Variants in CSNK2A2 observed in about 807,000 individuals in gnomAD.
CSNK2A2 encodes casein kinase 2 alpha 2.
In CSNK2A2, 8 loss-of-function variants were observed where a neutral mutation model predicts 54.0. The ratio of observed to expected loss-of-function variants is 0.15; its 90% CI spans 0.09 to 0.27. The LOEUF (loss-of-function observed/expected upper bound fraction) is 0.27. Ranked by LOEUF, CSNK2A2 falls within the 10% of genes least tolerant of loss-of-function variation. The probability of loss-of-function intolerance (pLI) is 1.00; values close to 1 mark genes in which losing one functional copy is unlikely to be tolerated. For synonymous variants in CSNK2A2, 141 were observed against 153.9 expected, an observed-to-expected ratio of 0.92 and a Z score of 0.62; for missense variants, 242 against 439.4, an observed-to-expected ratio of 0.55 and a Z score of 4.02.
At chr16:58,171,599 C>T (rs964214465) in intron 5 of CSNK2A2, among the ~76,000 whole-genome samples, 1 of 151,862 alleles carries the variant, frequency 6.6e-6, no homozygotes, top group Non-Finnish European at 1.5e-5. Flanking sequence ...TCAGAGGAGA[C>T]ACTGAACAGA....
intron 2 of CSNK2A2, among the ~76,000 whole-genome samples, chr16:58,193,740 A>G (rs187560387): frequency 6.6e-6 from 1 of 152,338 alleles, no homozygotes; most frequent in Admixed American, 6.5e-5. Context: ...TTCAAAATCA[A>G]AAGATGAAAC....
At position 58,170,700 on chromosome 16, in the gene CSNK2A2, G is replaced by A. The variant is rs766790550; in HGVS notation, c.430-2007C>T. On this transcript the variant is annotated intron_variant, in intron 5 of 11. Transcript: ENST00000262506. Reference sequence around the variant, plus strand: ...TGGGTGTAAAGTGGTATCTCCATGTGGTTTTGATTTTTATTTCCATAATGA... The same window carrying A: ...TGGGTGTAAAGTGGTATCTCCATGTAGTTTTGATTTTTATTTCCATAATGA... Among the ~76,000 whole-genome samples the A allele has an allele frequency of 4.6e-5, 7 of 151,954 alleles. No individual in the cohort carries two copies. The South Asian group carries it at 6.2e-4, about 14-fold the overall frequency.
intron 2 of CSNK2A2, 88 bp downstream of exon 2, chr16:58,196,645 T>C (rs1032783056): frequency 9.9e-6 from 8 of 811,778 alleles, no homozygotes; most frequent in Admixed American, 5.2e-5. Context: ...CAAGCTTGCA[T>C]TGCCCATTAT....
chr16:58,196,968 C>T, intron 1 of CSNK2A2, 124 bp from the exon 2 acceptor site: 1 of 731,906 alleles, frequency 1.4e-6, no homozygotes, highest in Admixed American at 1.8e-5. Context: ...CATCACGTCA[C>T]AACTCATTCC....
intron 2 of CSNK2A2, among the ~76,000 whole-genome samples, chr16:58,194,635 A>T (rs1962388139): frequency 6.6e-6 from 1 of 152,224 alleles, no homozygotes; most frequent in Non-Finnish European, 1.5e-5. Context: ...AGATCCTACA[A>T]TCCAGTGCTA....
chr16:58,163,374 T>G (rs1961453567), intron 11 of CSNK2A2: 1 of 152,130 alleles, frequency 6.6e-6, no homozygotes, highest in Non-Finnish European at 1.5e-5. Flanking sequence ...ATGGAACTTT[T>G]GATGATAACC....
chr16:58,171,755 T>C (rs1961741641), intron 5 of CSNK2A2, among the ~76,000 whole-genome samples: 1 of 151,734 alleles, frequency 6.6e-6, no homozygotes, highest in East Asian at 1.9e-4. Context: ...GCACCTGAAA[T>C]GTGCCTAGTG....
chr16:58,173,514 T>TA (rs1469290454), intron 5 of CSNK2A2, among the ~76,000 whole-genome samples: 50 of 152,328 alleles, frequency 3.3e-4, no homozygotes, highest in African/African-American at 1.2e-3. Flanking sequence ...AGCATTCCTT[T>TA]AAGTGCTTAT....
chr16:58,169,509 A>G (rs1961674916), intron 5 of CSNK2A2, among the ~76,000 whole-genome samples: 1 of 151,896 alleles, frequency 6.6e-6, no homozygotes, highest in Non-Finnish European at 1.5e-5. Context: ...CAGCCTGGGC[A>G]AGAAAGGCGG....
rs749780842 is a variant in CSNK2A2 at position 58,186,839 on chromosome 16, CTTCT to C, written c.230_233del (p.Lys77ArgfsTer2). On this transcript the variant is annotated frameshift_variant, in exon 3 of 12. Transcript: ENST00000262506. LOFTEE classifies it high-confidence loss of function. The stretch of plus-strand genomic sequence containing the variant: ...CCAGAATCTTAACCTCTCGTTTTAT[CTTCT>C]TTTTCTTCACTGGCTTAAATACACA... The C allele has an allele frequency of 6.2e-7, 1 of 1,613,648 alleles. No individual in the cohort carries two copies. Among genetic ancestry groups the C allele is most frequent in the Non-Finnish European group, 8.5e-7 (1 of 1,179,650 alleles).
intron 10 of CSNK2A2, 132 bp downstream of exon 10, chr16:58,165,428 A>T: frequency 1.0e-6 from 1 of 972,482 alleles, no homozygotes; most frequent in Non-Finnish European, 1.4e-6. Context: ...CATCTACGAT[A>T]AATGAGGCCA....
rs759509404 is a variant in CSNK2A2 at position 58,166,895 on chromosome 16, C to A, written c.727-211G>T. 7.1e-4 allele frequency among the ~76,000 whole-genome samples: 108 copies of A among 152,134 alleles called. 4 individuals are homozygous for A. The highest frequency in any genetic ancestry group is 5.4e-4 in the Non-Finnish European group (37 of 68,038). On this transcript the variant is annotated intron_variant, in intron 8 of 11. Transcript: ENST00000262506. Reference sequence around the variant, plus strand: ...ACGGCCTTTAAAATAATACAACTTACGATAATAATCTTCTAGAGGTGGACC... The same window carrying A: ...ACGGCCTTTAAAATAATACAACTTAAGATAATAATCTTCTAGAGGTGGACC...
At chr16:58,164,228 G>T in intron 10 of CSNK2A2, 81 bp from the exon 11 acceptor site, 2 of 1,323,866 alleles carry the variant, frequency 1.5e-6, no homozygotes, top group Non-Finnish European at 2.2e-6. Context: ...CCCTTTCAAC[G>T]GAAAGAGAGA....
chr16:58,171,992 T>A (rs1304892310), intron 5 of CSNK2A2, among the ~76,000 whole-genome samples: 2 of 133,952 alleles, frequency 1.5e-5, no homozygotes, highest in African/African-American at 5.9e-5. Flanking sequence ...TTTTTTTTTT[T>A]TTTTTTTTTG....
chr16:58,175,773 AAG>A (rs1411785079), intron 4 of CSNK2A2, among the ~76,000 whole-genome samples: 1 of 152,196 alleles, frequency 6.6e-6, no homozygotes, highest in East Asian at 1.9e-4. Context: ...CCCTTTAGGT[AAG>A]AGTAATTCCC....
intron 4 of CSNK2A2, among the ~76,000 whole-genome samples, chr16:58,179,970 T>A (rs1462840542): frequency 2.0e-5 from 3 of 149,798 alleles, no homozygotes; most frequent in South Asian, 2.1e-4. Context: ...TCCCAGCTAC[T>A]CAGGAGGCTG....
intron 2 of CSNK2A2, among the ~76,000 whole-genome samples, chr16:58,188,119 C>T (rs1340343246): frequency 6.6e-6 from 1 of 152,140 alleles, no homozygotes; most frequent in Non-Finnish European, 1.5e-5. Flanking sequence ...CACTAAGATA[C>T]AGCTTTGAAC....
chr16:58,177,120 C>T (rs761727206), intron 4 of CSNK2A2, among the ~76,000 whole-genome samples: 5 of 152,196 alleles, frequency 3.3e-5, no homozygotes, highest in Non-Finnish European at 7.3e-5. Flanking sequence ...CTCACACAGC[C>T]GAAAAGCAAG....
chr16:58,176,367 C>G (rs1182135387), intron 4 of CSNK2A2, among the ~76,000 whole-genome samples: 1 of 152,196 alleles, frequency 6.6e-6, no homozygotes, highest in Non-Finnish European at 1.5e-5. Flanking sequence ...CACAGTATTT[C>G]TAGCTACAAA....
Sources: gnomAD v4.1 joint callset for allele counts (sites outside exome capture counted in the v4.1 genomes callset) on GRCh38, gnomAD v4.1.1 for gene constraint, MANE v1.5 for transcripts, NCBI Gene and HGNC (gene_info 2026-07-23, HGNC 2026-07-21) for gene names.